The following ARHGAP24 variants were observed in gnomAD, a reference collection of about 807,000 sequenced individuals.
ARHGAP24 encodes Rho GTPase activating protein 24, also known as rho GTPase-activating protein 24.
Under a neutral mutation model 76.4 loss-of-function variants are expected in ARHGAP24, and 50 were observed. That is an observed-to-expected ratio of 0.65 (90% CI 0.52 to 0.83). ARHGAP24 has a LOEUF of 0.83. Among genes scored for constraint, ARHGAP24 ranks in the 40% least tolerant of loss-of-function variants. ARHGAP24 has a pLI of 0.00. For missense variants in ARHGAP24, 930 were observed against 914.2 expected, an observed-to-expected ratio of 1.02 and a Z score of -0.22; for synonymous variants, 345 against 323.3, an observed-to-expected ratio of 1.07 and a Z score of -0.72.
At chr4:85,599,541 G>A (rs1229422769) in intron 2 of ARHGAP24, among the ~76,000 whole-genome samples, 1 of 152,074 alleles carries the variant, frequency 6.6e-6, no homozygotes, top group African/African-American at 2.4e-5. Flanking sequence ...GTTTACCCAG[G>A]TGACTTCCTT....
intron 2 of ARHGAP24, among the ~76,000 whole-genome samples, chr4:85,719,132 CA>C (rs1369445943): frequency 2.0e-5 from 3 of 152,054 alleles, no homozygotes; most frequent in African/African-American, 7.2e-5. Flanking sequence ...TTAATTGAAA[CA>C]ATTATTTTTA....
intron 3 of ARHGAP24, among the ~76,000 whole-genome samples, chr4:85,816,618 C>T (rs1280120596): frequency 2.0e-5 from 3 of 152,060 alleles, no homozygotes; most frequent in Non-Finnish European, 2.9e-5. Context: ...TAACTATGAT[C>T]GTATGGTCAT....
chr4:85,654,385 T>A (rs1289870327), intron 2 of ARHGAP24, among the ~76,000 whole-genome samples: 1 of 152,174 alleles, frequency 6.6e-6, no homozygotes, highest in African/African-American at 2.4e-5. Flanking sequence ...TATAGTCACA[T>A]TGGGAGTTAA....
At chr4:85,558,741 T>C (rs1212021776) in intron 1 of ARHGAP24, among the ~76,000 whole-genome samples, 1 of 152,234 alleles carries the variant, frequency 6.6e-6, no homozygotes, top group Non-Finnish European at 1.5e-5. Context: ...ACAGGATTAA[T>C]TGACAAAAAT....
chr4:85,613,867 A>G (rs1013323012), intron 2 of ARHGAP24, among the ~76,000 whole-genome samples: 2 of 152,162 alleles, frequency 1.3e-5, no homozygotes, highest in Admixed American at 6.5e-5. Flanking sequence ...AGTGATACAT[A>G]TATTAGGTTT....
chr4:85,771,595 G>A (rs1727131514), intron 3 of ARHGAP24, among the ~76,000 whole-genome samples: 1 of 152,230 alleles, frequency 6.6e-6, no homozygotes, highest in African/African-American at 2.4e-5. Flanking sequence ...ACTAGACCCA[G>A]TCAAGTTTAC....
At chr4:85,488,222 C>CT (rs201688644) in intron 1 of ARHGAP24, among the ~76,000 whole-genome samples, 2,339 of 150,220 alleles carry the variant, frequency 0.016, 63 homozygotes, top group African/African-American at 0.052. Flanking sequence ...CTCCCTCCGA[C>CT]TTTTTTTTTG....
intron 3 of ARHGAP24, among the ~76,000 whole-genome samples, chr4:85,784,830 T>C (rs1177829478): frequency 6.6e-6 from 1 of 152,094 alleles, no homozygotes; most frequent in East Asian, 1.9e-4. Flanking sequence ...CTTGTTAGCC[T>C]ACTGTCCCCG....
chr4:85,580,598 A>G (rs1249045385), intron 2 of ARHGAP24, among the ~76,000 whole-genome samples: 1 of 152,086 alleles, frequency 6.6e-6, no homozygotes, highest in Non-Finnish European at 1.5e-5. Flanking sequence ...TTGCTCTACG[A>G]ACTTTTTCCA....
chr4:85,631,148 C>T (rs1489266249), intron 2 of ARHGAP24, among the ~76,000 whole-genome samples: 1 of 152,116 alleles, frequency 6.6e-6, no homozygotes, highest in African/African-American at 2.4e-5. Context: ...GTCTTCCATA[C>T]TCTGAGATAA....
At chr4:85,782,862 C>T (rs1256698044) in intron 3 of ARHGAP24, among the ~76,000 whole-genome samples, 1 of 151,684 alleles carries the variant, frequency 6.6e-6, no homozygotes, top group Non-Finnish European at 1.5e-5. Flanking sequence ...ACATCTTAAT[C>T]ATGAAATAAA....
At chr4:85,999,287 C>T (rs776401202) in intron 9 of ARHGAP24, among the ~76,000 whole-genome samples, 2 of 152,138 alleles carry the variant, frequency 1.3e-5, no homozygotes, top group Non-Finnish European at 2.9e-5. Flanking sequence ...ACCAACTTTT[C>T]ATGTAAAAAT....
Position 85,713,415 on chromosome 4 carries a change from G to A in ARHGAP24, c.181-8470G>A, listed in dbSNP as rs147218085. Among the ~76,000 whole-genome samples, 1,249 of 152,066 alleles carry A rather than the reference G, an allele frequency of 8.2e-3. 14 individuals carry two copies. The highest frequency in any genetic ancestry group is 0.028 in the African/African-American group (1,158 of 41,492). Reference sequence around the variant, plus strand: ...AATATATTTTAAATAGAAAAATTTAGCAAAATAAAAATCATCTATAACCTG... The same window carrying A: ...AATATATTTTAAATAGAAAAATTTAACAAAATAAAAATCATCTATAACCTG... On this transcript the variant is annotated intron_variant, in intron 2 of 9. Transcript: ENST00000395184.
chr4:85,801,631 G>A (rs1354874456), intron 3 of ARHGAP24, among the ~76,000 whole-genome samples: 2 of 152,196 alleles, frequency 1.3e-5, no homozygotes, highest in Admixed American at 1.3e-4. Flanking sequence ...ACATTTCTCT[G>A]TACTTTAGAA....
At chr4:85,990,041 G>A (rs1000530321) in intron 8 of ARHGAP24, 7 of 151,560 alleles carry the variant, frequency 4.6e-5, no homozygotes, top group African/African-American at 1.5e-4. Context: ...CATCTATGTC[G>A]AAAATTCTTT....
Position 85,747,690 on chromosome 4 carries a change from T to G in ARHGAP24, c.268+25718T>G, listed in dbSNP as rs1169798376. Among the ~76,000 whole-genome samples, 26 of 145,464 alleles carry G rather than the reference T, an allele frequency of 1.8e-4. No individual in the cohort carries two copies. In the Admixed American group the frequency reaches 1.9e-3, roughly 10 times the overall value. On this transcript the variant is annotated intron_variant, in intron 3 of 9. Transcript: ENST00000395184. ...TGCACTCCAGCCTGGGCTACAGAGC[T>G]AGACTCTGTCTAAAACAAAAACAAA...
At chr4:85,967,873 G>C (rs984121986) in intron 5 of ARHGAP24, among the ~76,000 whole-genome samples, 1 of 152,072 alleles carries the variant, frequency 6.6e-6, no homozygotes, top group Admixed American at 6.6e-5. Context: ...AGCAGTTTGG[G>C]CCAAAATGGT....
chr4:85,609,073 A>T (rs1482222397), intron 2 of ARHGAP24, among the ~76,000 whole-genome samples: 1 of 152,128 alleles, frequency 6.6e-6, no homozygotes, highest in East Asian at 1.9e-4. Context: ...GGTTGTGATG[A>T]TTCAATACAT....
chr4:85,724,602 T>C (rs765956356), intron 3 of ARHGAP24, among the ~76,000 whole-genome samples: 2 of 151,494 alleles, frequency 1.3e-5, no homozygotes, highest in Admixed American at 6.6e-5. Flanking sequence ...GAAAATCATA[T>C]TAAAAAAACA....
Sources: gnomAD v4.1 joint callset for allele counts (sites outside exome capture counted in the v4.1 genomes callset) on GRCh38, gnomAD v4.1.1 for gene constraint, MANE v1.5 for transcripts, NCBI Gene and HGNC (gene_info 2026-07-23, HGNC 2026-07-21) for gene names.